Variants in UBE3D observed in about 807,000 individuals in gnomAD.
The protein encoded by UBE3D is E3 ubiquitin-protein ligase E3D.
A neutral mutation model predicts 49.6 loss-of-function variants in UBE3D; 48 were observed. The ratio of observed to expected loss-of-function variants is 0.97; its 90% CI spans 0.77 to 1.23. The LOEUF (loss-of-function observed/expected upper bound fraction) is 1.23. Ranked by LOEUF, UBE3D falls within the 50% of genes most tolerant of loss-of-function variation. The pLI, the probability that UBE3D is intolerant of heterozygous loss-of-function variation, is 0.00. For missense variants in UBE3D, 452 were observed against 468.4 expected (o/e 0.96, Z 0.32); for synonymous variants, 189 against 174.2 (o/e 1.08, Z -0.67).
intron 8 of UBE3D, among the ~76,000 whole-genome samples, chr6:82,989,703 A>C (rs1014082022): frequency 6.6e-6 from 1 of 152,182 alleles, no homozygotes; most frequent in African/African-American, 2.4e-5. Flanking sequence ...AATTAAGGAC[A>C]CTTTGAAAGG....
chr6:82,948,089 T>C (rs1007407644), intron 9 of UBE3D, among the ~76,000 whole-genome samples: 10 of 151,818 alleles, frequency 6.6e-5, no homozygotes, highest in African/African-American at 2.2e-4. Context: ...AAAATGTTGG[T>C]TTTTTTGAAG....
chr6:82,981,936 T>C (rs1048720310), intron 8 of UBE3D, among the ~76,000 whole-genome samples: 1 of 152,140 alleles, frequency 6.6e-6, no homozygotes, highest in African/African-American at 2.4e-5. Flanking sequence ...GAATGTCATA[T>C]TAAAATTAGG....
chr6:82,897,944 C>T (rs1418312982), intron 9 of UBE3D, among the ~76,000 whole-genome samples: 1 of 152,134 alleles, frequency 6.6e-6, no homozygotes, highest in African/African-American at 2.4e-5. Context: ...TGACAAAGGA[C>T]TAATATCCAG....
downstream of UBE3D, among the ~76,000 whole-genome samples, chr6:82,887,649 C>T (rs159041): frequency 0.048 from 7,159 of 149,854 alleles, 605 homozygotes; most frequent in African/African-American, 0.17. Context: ...ATGGAGGTTG[C>T]GGTGAGCGAA....
chr6:82,934,191 C>T (rs563202300), intron 9 of UBE3D, among the ~76,000 whole-genome samples: 1 of 152,178 alleles, frequency 6.6e-6, no homozygotes, highest in South Asian at 2.1e-4. Context: ...CCATGTAAGA[C>T]ATGCCTTGCT....
intron 8 of UBE3D, among the ~76,000 whole-genome samples, chr6:82,976,584 C>T (rs1777733133): frequency 6.6e-6 from 1 of 152,102 alleles, no homozygotes; most frequent in African/African-American, 2.4e-5. Flanking sequence ...ATATTTCTGC[C>T]ACCGTCACCT....
intron 8 of UBE3D, among the ~76,000 whole-genome samples, chr6:82,986,654 A>G (rs1208799279): frequency 2.0e-5 from 3 of 149,136 alleles, no homozygotes; most frequent in African/African-American, 7.3e-5. Context: ...TATATATTTT[A>G]CACATATGTA....
At position 83,054,169 on chromosome 6, in the gene UBE3D, C is replaced by A. The variant is rs1347022694; in HGVS notation, c.344G>T (p.Gly115Val). 1 of 1,613,916 alleles carries A rather than the reference C, an allele frequency of 6.2e-7. No individual in the cohort carries two copies. The highest frequency in any genetic ancestry group is 1.7e-5 in the Admixed American group (1 of 60,008). Residue 115 changes from glycine to valine, a missense_variant, in exon 3 of 10, where the codon GGT becomes GTT. Physicochemically the swap from Gly to Val is moderately radical, Grantham distance 109 (BLOSUM62 -3). Transcript: ENST00000369747. ...ECCTFYCQSCGEVIIKDRKLL... is the reference protein window; with the variant it reads ...ECCTFYCQSCVEVIIKDRKLL... ...TTACCTGTCTTTTATTATGACTTCA[C>A]CGCAGGATTGGCAATAAAACGTGCA...
At chr6:83,059,909 G>A (rs950018441) in intron 1 of UBE3D, among the ~76,000 whole-genome samples, 5 of 152,166 alleles carry the variant, frequency 3.3e-5, no homozygotes, top group Admixed American at 3.3e-4. Flanking sequence ...ATCTGAACAG[G>A]AGGTGAGGCC....
chr6:82,942,280 G>A (rs1775071587), intron 9 of UBE3D, among the ~76,000 whole-genome samples: 1 of 152,116 alleles, frequency 6.6e-6, no homozygotes, highest in South Asian at 2.1e-4. Context: ...AACTTTGAGA[G>A]ATATGTTCTG....
chr6:82,941,441 GA>G (rs1202069411), intron 9 of UBE3D, among the ~76,000 whole-genome samples: 2 of 151,614 alleles, frequency 1.3e-5, no homozygotes, highest in Admixed American at 6.6e-5. Flanking sequence ...AAAGTATATA[GA>G]AAAAAAAGAG....
chr6:82,955,031 T>C (rs1223467047), intron 9 of UBE3D, among the ~76,000 whole-genome samples: 2 of 152,102 alleles, frequency 1.3e-5, no homozygotes, highest in African/African-American at 2.4e-5. Flanking sequence ...CAATCACCAA[T>C]AGAAAAGGGC....
At chr6:82,897,473 C>T (rs1441775465) in intron 9 of UBE3D, among the ~76,000 whole-genome samples, 1 of 152,040 alleles carries the variant, frequency 6.6e-6, no homozygotes, top group Non-Finnish European at 1.5e-5. Context: ...TGCCTGTAAT[C>T]CCAGCTACTT....
downstream of UBE3D, among the ~76,000 whole-genome samples, chr6:82,890,577 GTGTGT>G (rs1049956325): frequency 3.9e-5 from 6 of 152,310 alleles, no homozygotes; most frequent in Admixed American, 2.6e-4. Context: ...GTGTGCATGT[GTGTGT>G]TGCATGACCT....
rs145310739 is a variant in UBE3D at position 82,930,737 on chromosome 6, C to T, written c.1149+26575G>A. Among the ~76,000 whole-genome samples, 507 of 152,056 alleles carry T rather than the reference C, an allele frequency of 3.3e-3. 3 individuals carry two copies. The highest frequency in any genetic ancestry group is 5.8e-3 in the Non-Finnish European group (394 of 68,000). On this transcript the variant is annotated intron_variant, in intron 9 of 9. Transcript: ENST00000369747. ...TGAGAGATATGATTAGGGTATCTAG[C>T]GGAAGAAATTTCTAAGTGGCAAAGT...
chr6:83,012,114 G>A (rs905968612), intron 8 of UBE3D, among the ~76,000 whole-genome samples: 15 of 152,144 alleles, frequency 9.9e-5, no homozygotes, highest in Admixed American at 2.6e-4. Flanking sequence ...CACTTCTTTA[G>A]CCATAAAGTG....
At chr6:82,907,878 T>C (rs576479537) in intron 9 of UBE3D, among the ~76,000 whole-genome samples, 27 of 152,212 alleles carry the variant, frequency 1.8e-4, no homozygotes, top group African/African-American at 6.5e-4. Context: ...ACAAAAAGAT[T>C]TTACCAGAAT....
chr6:82,908,669 T>C (rs1306836160), intron 9 of UBE3D, among the ~76,000 whole-genome samples: 1 of 152,222 alleles, frequency 6.6e-6, no homozygotes, highest in Non-Finnish European at 1.5e-5. Context: ...GCATTACATA[T>C]ACAAACTGTG....
intron 8 of UBE3D, among the ~76,000 whole-genome samples, chr6:82,982,199 AC>A (rs1366978815): frequency 1.3e-5 from 2 of 152,052 alleles, no homozygotes; most frequent in Non-Finnish European, 2.9e-5. Context: ...AATACTCTCA[AC>A]CCCTGGATCT....
Sources: gnomAD v4.1 joint callset for allele counts (sites outside exome capture counted in the v4.1 genomes callset) on GRCh38, gnomAD v4.1.1 for gene constraint, MANE v1.5 for transcripts, NCBI Gene and HGNC (gene_info 2026-07-23, HGNC 2026-07-21) for gene names.